The following PRKG1 variants were observed in gnomAD, a reference collection of about 807,000 sequenced individuals.
PRKG1 encodes protein kinase cGMP-dependent 1, also known as cGMP-dependent protein kinase 1.
In PRKG1, 35 loss-of-function variants were observed where a neutral mutation model predicts 88.1. The observed-to-expected ratio is 0.40, with a 90% CI of 0.30 to 0.53. The LOEUF is 0.53. Ranked by LOEUF, PRKG1 falls within the 20% of genes least tolerant of loss-of-function variation. PRKG1 has a pLI of 0.59. For missense variants in PRKG1, 540 were observed against 839.8 expected, an observed-to-expected ratio of 0.64 and a Z score of 4.41; for synonymous variants, 303 against 292.5, an observed-to-expected ratio of 1.04 and a Z score of -0.37.
intron 4 of PRKG1, among the ~76,000 whole-genome samples, chr10:51,820,335 C>CT (rs1420257429): frequency 1.2e-4 from 18 of 152,104 alleles, no homozygotes; most frequent in Non-Finnish European, 1.9e-4. Context: ...CCATCTACTT[C>CT]TTTTTCTCAG....
chr10:52,103,070 T>G (rs1315776814), intron 7 of PRKG1, among the ~76,000 whole-genome samples: 4 of 152,174 alleles, frequency 2.6e-5, no homozygotes, highest in African/African-American at 9.7e-5. Context: ...TATTTTGAAC[T>G]GCACATGCGA....
intron 10 of PRKG1, among the ~76,000 whole-genome samples, chr10:52,255,432 G>C (rs752919176): frequency 1.6e-4 from 24 of 151,860 alleles, no homozygotes; most frequent in Admixed American, 4.0e-4. Context: ...TTAAATATTA[G>C]ATATTTAATC....
intron 5 of PRKG1, among the ~76,000 whole-genome samples, chr10:51,969,306 C>T (rs2133086190): frequency 6.6e-6 from 1 of 152,270 alleles, no homozygotes. Context: ...CATCATCATG[C>T]CTCATAACTT....
chr10:51,640,721 T>G (rs1420295476), intron 3 of PRKG1, among the ~76,000 whole-genome samples: 1 of 152,200 alleles, frequency 6.6e-6, no homozygotes, highest in African/African-American at 2.4e-5. Flanking sequence ...GTTTAGGAAG[T>G]GAGGCTTTAG....
chr10:51,144,221 A>T (rs1407433049), intron 1 of PRKG1, among the ~76,000 whole-genome samples: 1 of 152,088 alleles, frequency 6.6e-6, no homozygotes, highest in East Asian at 1.9e-4. Flanking sequence ...AATTAGAGAT[A>T]AATGAGTGGA....
intron 3 of PRKG1, among the ~76,000 whole-genome samples, chr10:51,690,926 CAAAAAAAAAAAAA>C (rs942329676): frequency 2.7e-5 from 1 of 37,726 alleles, no homozygotes; most frequent in South Asian, 1.3e-3. Context: ...GACTCTGTCT[CAAAAAAAAAAAAA>C]AAAAAAAAAA....
chr10:51,756,372 A>G (rs1837860522), intron 3 of PRKG1, among the ~76,000 whole-genome samples: 1 of 151,608 alleles, frequency 6.6e-6, no homozygotes, highest in African/African-American at 2.4e-5. Context: ...CTGTTCTCCC[A>G]GTTAGTTGGG....
At chr10:51,500,314 G>T (rs1194578424) in intron 3 of PRKG1, among the ~76,000 whole-genome samples, 1 of 152,116 alleles carries the variant, frequency 6.6e-6, no homozygotes. Flanking sequence ...AATAAATAGT[G>T]CCATAGAATA....
chr10:51,622,987 C>G (rs909598229), intron 3 of PRKG1, among the ~76,000 whole-genome samples: 39 of 152,280 alleles, frequency 2.6e-4, no homozygotes, highest in African/African-American at 9.1e-4. Context: ...ATGACAATTA[C>G]TCAAATTTCT....
At chr10:51,212,661 T>G (rs1486388421) in intron 2 of PRKG1, among the ~76,000 whole-genome samples, 3 of 152,108 alleles carry the variant, frequency 2.0e-5, no homozygotes, top group African/African-American at 7.2e-5. Flanking sequence ...GCAAAGGATA[T>G]GAACAGACAC....
At chr10:51,203,023 G>T (rs1837952907) in intron 2 of PRKG1, among the ~76,000 whole-genome samples, 1 of 152,050 alleles carries the variant, frequency 6.6e-6, no homozygotes, top group Admixed American at 6.6e-5. Flanking sequence ...ATGTCAACGG[G>T]GTGAGATATA....
At chr10:51,257,166 G>GTT (rs35730040) in intron 2 of PRKG1, among the ~76,000 whole-genome samples, 2,822 of 138,766 alleles carry the variant, frequency 0.02, 88 homozygotes, top group African/African-American at 0.07. Flanking sequence ...TCAGAGAAGG[G>GTT]TTTTTTTTTT....
intron 8 of PRKG1, among the ~76,000 whole-genome samples, chr10:52,147,073 T>G (rs78316371): frequency 6.6e-6 from 1 of 152,218 alleles, no homozygotes; most frequent in African/African-American, 2.4e-5. Flanking sequence ...TCTTTAGTGA[T>G]TGCTTCTTTG....
intron 3 of PRKG1, among the ~76,000 whole-genome samples, chr10:51,715,434 A>G (rs1260254001): frequency 6.6e-6 from 1 of 152,142 alleles, no homozygotes. Flanking sequence ...TGCATTTGGA[A>G]TGAACATTTG....
chr10:51,927,595 T>C (rs945835466), intron 5 of PRKG1, among the ~76,000 whole-genome samples: 2 of 152,082 alleles, frequency 1.3e-5, no homozygotes, highest in African/African-American at 4.8e-5. Context: ...CACACACTCA[T>C]GCATTCACAT....
intron 1 of PRKG1, among the ~76,000 whole-genome samples, chr10:51,098,149 A>G (rs533319900): frequency 1.1e-4 from 16 of 152,004 alleles, no homozygotes; most frequent in African/African-American, 3.6e-4. Context: ...TTGTTAGGAG[A>G]GATAGTATGC....
At chr10:51,723,338 T>A (rs10999092) in intron 3 of PRKG1, among the ~76,000 whole-genome samples, 67,201 of 151,960 alleles carry the variant, frequency 0.44, 15,469 homozygotes, top group Middle Eastern at 0.57. Flanking sequence ...TGGATGAAGC[T>A]GGAAACCATC....
chr10:51,270,581 CTG>C (rs901370543), intron 2 of PRKG1, among the ~76,000 whole-genome samples: 9 of 152,276 alleles, frequency 5.9e-5, no homozygotes, highest in African/African-American at 1.9e-4. Context: ...AGATTGGAAA[CTG>C]TGAGTAGATC....
chr10:51,995,341 C>T lies in PRKG1; in HGVS notation c.763-59143C>T, dbSNP rs1350109827. Among the ~76,000 whole-genome samples the T allele has an allele frequency of 3.3e-5, 5 of 152,160 alleles. No individual in the cohort carries two copies. In the East Asian group the frequency reaches 9.6e-4, roughly 29 times the overall value. ...TGTACAATCATGCAGTTACATTGAC[C>T]TTAACTATCTTAAAACTGTTAGACA... On this transcript the variant is annotated intron_variant, in intron 5 of 17. Coordinates refer to ENST00000373980, the MANE Select transcript of PRKG1 (RefSeq NM_006258.4).
Sources: allele counts gnomAD v4.1 joint callset (sites outside exome capture counted in the v4.1 genomes callset), GRCh38; gene constraint gnomAD v4.1.1; transcripts MANE v1.5; gene names NCBI Gene and HGNC (gene_info 2026-07-23, HGNC 2026-07-21).